The following MTX2 variants were observed in gnomAD, a reference collection of about 807,000 sequenced individuals.
The protein encoded by MTX2 is metaxin 2.
MTX2 carries 35 observed loss-of-function variants against 42.3 expected under a neutral mutation model. The observed-to-expected ratio is 0.83, with a 90% confidence interval of 0.63 to 1.10. MTX2 has a LOEUF of 1.10. MTX2 is among the 50% of genes least tolerant of loss of function. The pLI is 0.00. For missense variants in MTX2, 307 were observed against 304.1 expected, an observed-to-expected ratio of 1.01 and a Z score of -0.07; for synonymous variants, 119 against 100.9, an observed-to-expected ratio of 1.18 and a Z score of -1.08.
At chr2:176,281,679 A>G (rs1242357624) in intron 1 of MTX2, among the ~76,000 whole-genome samples, 1 of 152,198 alleles carries the variant, frequency 6.6e-6, no homozygotes, top group Non-Finnish European at 1.5e-5. Flanking sequence ...ATACTTTGCC[A>G]CAATAACCAA....
At chr2:176,277,106 T>C (rs181327477) in intron 1 of MTX2, among the ~76,000 whole-genome samples, 34 of 152,356 alleles carry the variant, frequency 2.2e-4, no homozygotes, top group Admixed American at 2.0e-3. Context: ...TGTACGCATC[T>C]TGAAAGTGTG....
chr2:176,284,708 A>T (rs1239149819), intron 1 of MTX2, among the ~76,000 whole-genome samples: 2 of 152,214 alleles, frequency 1.3e-5, no homozygotes, highest in African/African-American at 4.8e-5. Flanking sequence ...ATGCTTAAGG[A>T]GAAAAAGATG....
chr2:176,276,591 T>C (rs1301805033), intron 1 of MTX2, among the ~76,000 whole-genome samples: 1 of 152,098 alleles, frequency 6.6e-6, no homozygotes, highest in East Asian at 1.9e-4. Flanking sequence ...ATATTTATAA[T>C]GTATGTCAAG....
intron 1 of MTX2, among the ~76,000 whole-genome samples, chr2:176,273,276 G>C (rs940515377): frequency 2.6e-5 from 4 of 152,196 alleles, no homozygotes; most frequent in Non-Finnish European, 5.9e-5. Context: ...GGGATATTCA[G>C]ACTATAGCAG....
At chr2:176,318,543 C>T (rs1438397492) in intron 3 of MTX2, among the ~76,000 whole-genome samples, 7 of 152,114 alleles carry the variant, frequency 4.6e-5, no homozygotes, top group Non-Finnish European at 1.0e-4. Context: ...AATACATTTG[C>T]CTCCTCATTT....
chr2:176,298,216 G>A (rs1354670687), intron 3 of MTX2, among the ~76,000 whole-genome samples: 1 of 151,824 alleles, frequency 6.6e-6, no homozygotes, highest in Non-Finnish European at 1.5e-5. Context: ...ATTATTTGGG[G>A]TGATATGTTC....
Position 176,326,088 on chromosome 2 carries a change from C to G in MTX2, c.209-737C>G, listed in dbSNP as rs550558533. Among the ~76,000 whole-genome samples the G allele has an allele frequency of 4.0e-4, 61 of 151,812 alleles. 1 individual carries two copies. Among genetic ancestry groups the G allele is most frequent in the Admixed American group, 7.3e-4 (11 of 15,172 alleles). On this transcript the variant is annotated intron_variant, in intron 4 of 9. Coordinates refer to ENST00000249442, the MANE Select transcript of MTX2 (RefSeq NM_006554.5). ...TAGCATTTGGAGTAGACCCTTCTTGCTATTTGGAGATTATTTTGTTCTCTC... is the reference window on the plus strand; with the variant it reads ...TAGCATTTGGAGTAGACCCTTCTTGGTATTTGGAGATTATTTTGTTCTCTC...
chr2:176,288,291 T>G (rs759475051), intron 1 of MTX2, among the ~76,000 whole-genome samples: 4 of 152,080 alleles, frequency 2.6e-5, no homozygotes, highest in Non-Finnish European at 5.9e-5. Context: ...AAATGAAACC[T>G]TCATATATTG....
At position 176,328,886 on chromosome 2, in the gene MTX2, T is replaced by C. The variant is rs1684785186; in HGVS notation, c.391T>C (p.Trp131Arg). The change falls in exon 7 of 10, where the codon TGG becomes CGG. Residue 131 changes from tryptophan to arginine, a missense_variant. Coordinates refer to ENST00000249442, the MANE Select transcript of MTX2 (RefSeq NM_006554.5). ...CTTTTGTTCCTAGCTGTATCTTCAG[T>C]GGTGTGATGAAGCTACAGTAGGGGA... is the stretch of plus-strand genomic sequence containing the variant. ...MLLTAELYLQ[W>R]CDEATVGEIT... The C allele has an allele frequency of 1.2e-6, 2 of 1,607,408 alleles. No individual in the cohort carries two copies. Among genetic ancestry groups the C allele is most frequent in the African/African-American group, 1.3e-5 (1 of 74,550 alleles).
intron 3 of MTX2, among the ~76,000 whole-genome samples, chr2:176,300,963 G>C (rs1684010872): frequency 6.6e-6 from 1 of 152,040 alleles, no homozygotes; most frequent in African/African-American, 2.4e-5. Context: ...GTTAGTAAGA[G>C]GAATGGAAGC....
intron 3 of MTX2, among the ~76,000 whole-genome samples, chr2:176,319,271 A>AT (rs1014546859): frequency 6.6e-5 from 10 of 152,116 alleles, no homozygotes; most frequent in African/African-American, 2.2e-4. Flanking sequence ...TATTTGGAGT[A>AT]TTTTTTGTGC....
intron 3 of MTX2, among the ~76,000 whole-genome samples, chr2:176,301,659 T>C (rs1250660271): frequency 2.0e-5 from 3 of 152,182 alleles, no homozygotes; most frequent in South Asian, 2.1e-4. Context: ...CATAACACTT[T>C]GCTGCATATT....
At chr2:176,271,017 G>T (rs913804789) in intron 1 of MTX2, among the ~76,000 whole-genome samples, 1 of 152,078 alleles carries the variant, frequency 6.6e-6, no homozygotes, top group South Asian at 2.1e-4. Context: ...GGTTCACTGT[G>T]TGCATGTGTC....
intron 3 of MTX2, among the ~76,000 whole-genome samples, chr2:176,320,116 T>C (rs1186197894): frequency 6.6e-6 from 1 of 152,156 alleles, no homozygotes; most frequent in Non-Finnish European, 1.5e-5. Context: ...ATTGGTAAAA[T>C]TGTCAGTTAG....
chr2:176,296,824 T>C, intron 1 of MTX2, 36 bp from the exon 2 acceptor site: 2 of 1,608,856 alleles, frequency 1.2e-6, no homozygotes, highest in Non-Finnish European at 1.7e-6. Flanking sequence ...ATGTTTTTGC[T>C]TTATGTGCCT....
chr2:176,335,798 C>T lies in MTX2; in HGVS notation c.621-1695C>T, dbSNP rs923753667. On this transcript the variant is annotated intron_variant, in intron 9 of 9. Coordinates refer to ENST00000249442, the MANE Select transcript of MTX2 (RefSeq NM_006554.5). ...GCTATTGAGAAAATAAAGTATCCCA[C>T]ACATCTTAGTCAAGATGCTCCACAT... Among the ~76,000 whole-genome samples, 3 of 152,146 alleles carry T rather than the reference C, an allele frequency of 2.0e-5. No individual in the cohort carries two copies. The East Asian group carries it at 5.8e-4, about 30-fold the overall frequency.
At position 176,326,839 on chromosome 2, in the gene MTX2, A is replaced by T. The variant is rs140160671; in HGVS notation, c.223A>T (p.Ile75Phe). Residue 75 changes from isoleucine (I) to phenylalanine (F), a missense_variant, in exon 5 of 10, where the codon ATT (isoleucine) becomes TTT (phenylalanine). Coordinates refer to ENST00000249442, the MANE Select transcript of MTX2 (RefSeq NM_006554.5). The part of the protein sequence containing the change: ...YMSPSGKVPF[I>F]HVGNQVVSEL... ...TCTCTCAACAGGTAAAGTACCTTTTATTCATGTGGGAAATCAAGTAGTATC... is the reference window on the plus strand; with the variant it reads ...TCTCTCAACAGGTAAAGTACCTTTTTTTCATGTGGGAAATCAAGTAGTATC... The T allele has an allele frequency of 1.6e-4, 254 of 1,571,096 alleles. No individual in the cohort carries two copies. Among genetic ancestry groups the T allele is most frequent in the Non-Finnish European group, 2.2e-4 (249 of 1,155,170 alleles).
chr2:176,296,937 T>C, intron 2 of MTX2, 30 bp downstream of exon 2: 2 of 1,593,680 alleles, frequency 1.3e-6, no homozygotes, highest in South Asian at 2.2e-5. Flanking sequence ...AAAAATGGCT[T>C]TGTATCAAAC....
intron 4 of MTX2, 77 bp from the exon 5 acceptor site, chr2:176,326,748 T>C (rs1684715705): frequency 1.1e-6 from 1 of 932,254 alleles, no homozygotes. Flanking sequence ...CTGAGTTTTG[T>C]GTTAATTTTT....
Sources: allele counts gnomAD v4.1 joint callset (sites outside exome capture counted in the v4.1 genomes callset), GRCh38; gene constraint gnomAD v4.1.1; transcripts MANE v1.5; gene names NCBI Gene and HGNC (gene_info 2026-07-23, HGNC 2026-07-21).